Variants in LRTM1 observed in about 807,000 individuals in gnomAD.
The protein encoded by LRTM1 is leucine-rich repeat and transmembrane domain-containing protein 1.
Under a neutral mutation model 32.4 loss-of-function variants are expected in LRTM1, and 38 were observed. The observed-to-expected ratio is 1.17, with a 90% confidence interval of 0.91 to 1.54. LRTM1 has a LOEUF of 1.54. Ranked by LOEUF, LRTM1 falls within the 40% of genes most tolerant of loss-of-function variation. The pLI, the probability that LRTM1 is intolerant of heterozygous loss-of-function variation, is 0.00. For missense variants in LRTM1, 466 were observed against 415.4 expected (o/e 1.12, Z -1.06); for synonymous variants, 186 against 169.9 (o/e 1.09, Z -0.74).
intron 1 of LRTM1, among the ~76,000 whole-genome samples, chr3:54,942,358 C>T (rs187619825): frequency 6.6e-6 from 1 of 152,330 alleles, no homozygotes; most frequent in East Asian, 1.9e-4. Flanking sequence ...CTGCCATCCC[C>T]TCCCACAGTG....
chr3:54,964,933 T>C (rs1339208818), intron 1 of LRTM1, among the ~76,000 whole-genome samples: 1 of 152,100 alleles, frequency 6.6e-6, no homozygotes, highest in Non-Finnish European at 1.5e-5. Flanking sequence ...TTTCCCATTT[T>C]ATAGGCCCTT....
chr3:54,962,922 C>T (rs1016196352), intron 1 of LRTM1, among the ~76,000 whole-genome samples: 6 of 151,918 alleles, frequency 3.9e-5, no homozygotes, highest in Non-Finnish European at 1.5e-5. Flanking sequence ...TAAATGAATA[C>T]GATATGAGAA....
chr3:54,947,318 A>T (rs890445118), intron 1 of LRTM1, among the ~76,000 whole-genome samples: 1 of 152,184 alleles, frequency 6.6e-6, no homozygotes, highest in African/African-American at 2.4e-5. Context: ...GGGTGGAATA[A>T]TCTTCCAAGC....
chr3:54,933,116 CTTT>C (rs1701244125), intron 1 of LRTM1, among the ~76,000 whole-genome samples: 2 of 134,224 alleles, frequency 1.5e-5, no homozygotes, highest in Non-Finnish European at 3.3e-5. Context: ...TTCCTTCCTT[CTTT>C]CTGGACCTCT....
chr3:54,956,843 A>G (rs754113894), intron 1 of LRTM1, among the ~76,000 whole-genome samples: 4 of 151,862 alleles, frequency 2.6e-5, no homozygotes, highest in Non-Finnish European at 5.9e-5. Flanking sequence ...TTTGCATTTT[A>G]TCTGACAGAA....
intron 1 of LRTM1, among the ~76,000 whole-genome samples, chr3:54,934,206 C>G (rs1319174321): frequency 1.3e-5 from 2 of 152,192 alleles, no homozygotes; most frequent in Non-Finnish European, 2.9e-5. Flanking sequence ...ATTAAGGGAA[C>G]CTATAGTTGT....
chr3:54,949,528 C>T (rs142475600), intron 1 of LRTM1, among the ~76,000 whole-genome samples: 1 of 152,316 alleles, frequency 6.6e-6, no homozygotes, highest in East Asian at 1.9e-4. Flanking sequence ...ATGGCCCACT[C>T]CACCATTCCA....
At position 54,918,342 on chromosome 3, in the gene LRTM1, T is replaced by TC; in HGVS notation, c.*116_*117insG. On this transcript the variant is annotated 3_prime_UTR_variant, in exon 3 of 3. Coordinates refer to ENST00000273286, the MANE Select transcript of LRTM1 (RefSeq NM_020678.4). Reference sequence around the variant, plus strand: ...ACATCTTTTTTTTTTCTTTTTTTTTTTTTTTTTTTTTTTGTCTTTTGGCAA... The same window carrying TC: ...ACATCTTTTTTTTTTCTTTTTTTTTTCTTTTTTTTTTTTTGTCTTTTGGCAA... 1.6e-5 allele frequency: 6 copies of TC among 376,498 alleles called. No homozygotes were observed. The highest frequency in any genetic ancestry group is 5.5e-5 in the East Asian group (1 of 18,066). 23.3% of individuals were successfully genotyped at this position (376,498 alleles called of 1,614,324 possible). A position where few individuals can be genotyped will look rare whatever the true frequency, so the allele number is the denominator to read the frequency against.
chr3:54,942,493 C>T (rs1009410844), intron 1 of LRTM1, among the ~76,000 whole-genome samples: 2 of 152,208 alleles, frequency 1.3e-5, no homozygotes, highest in African/African-American at 2.4e-5. Context: ...TTATATGCTC[C>T]TCTTAATGCA....
At chr3:54,962,676 G>A (rs753081639) in intron 1 of LRTM1, among the ~76,000 whole-genome samples, 6 of 152,142 alleles carry the variant, frequency 3.9e-5, no homozygotes, top group East Asian at 3.9e-4. Context: ...ATCAGTTCTC[G>A]CAGCAAAACA....
chr3:54,942,188 G>A (rs1051951159), intron 1 of LRTM1, among the ~76,000 whole-genome samples: 7 of 152,186 alleles, frequency 4.6e-5, no homozygotes, highest in Admixed American at 2.6e-4. Flanking sequence ...TGATACAACC[G>A]TGTATCTCTG....
chr3:54,927,554 G>GGCTT (rs1393300681), intron 1 of LRTM1, among the ~76,000 whole-genome samples: 1 of 152,112 alleles, frequency 6.6e-6, no homozygotes, highest in African/African-American at 2.4e-5. Context: ...ATTAATGAAA[G>GGCTT]GCTTGCCTCT....
intron 2 of LRTM1, among the ~76,000 whole-genome samples, chr3:54,919,937 G>A (rs1038759489): frequency 5.9e-5 from 9 of 152,234 alleles, no homozygotes; most frequent in East Asian, 1.9e-4. Context: ...TCTCAGGAGC[G>A]TTGTGAGGTC....
chr3:54,933,371 C>T (rs1357598919), intron 1 of LRTM1, among the ~76,000 whole-genome samples: 1 of 152,160 alleles, frequency 6.6e-6, no homozygotes, highest in Non-Finnish European at 1.5e-5. Context: ...GGGGCCTGGG[C>T]TCCATGGTGT....
chr3:54,953,661 C>T (rs1321048195), intron 1 of LRTM1, among the ~76,000 whole-genome samples: 2 of 152,230 alleles, frequency 1.3e-5, no homozygotes, highest in African/African-American at 2.4e-5. Context: ...TCCCCAGGAG[C>T]TGGGAAGGAG....
upstream of LRTM1, among the ~76,000 whole-genome samples, chr3:54,929,770 C>G (rs931098100): frequency 2.0e-5 from 3 of 152,154 alleles, no homozygotes; most frequent in African/African-American, 7.2e-5. Context: ...TCCTTCCTAT[C>G]CATCTGTTTC....
At chr3:54,950,572 A>AGAAT (rs1701733300) in intron 1 of LRTM1, among the ~76,000 whole-genome samples, 1 of 152,236 alleles carries the variant, frequency 6.6e-6, no homozygotes, top group Non-Finnish European at 1.5e-5. Flanking sequence ...AGCAATTCAA[A>AGAAT]GAATGCTGCT....
intron 1 of LRTM1, among the ~76,000 whole-genome samples, chr3:54,927,335 C>T (rs1333801314): frequency 1.3e-5 from 2 of 152,164 alleles, no homozygotes; most frequent in Non-Finnish European, 2.9e-5. Flanking sequence ...AGTCCCCTTC[C>T]CCTTTCCAGA....
intron 1 of LRTM1, among the ~76,000 whole-genome samples, chr3:54,963,137 T>G (rs746114466): frequency 2.0e-5 from 3 of 152,194 alleles, no homozygotes; most frequent in Non-Finnish European, 4.4e-5. Context: ...GGAGGGTGGT[T>G]GTTGCATTGA....
Sources: allele counts gnomAD v4.1 joint callset (sites outside exome capture counted in the v4.1 genomes callset), GRCh38; gene constraint gnomAD v4.1.1; transcripts MANE v1.5; gene names NCBI Gene and HGNC (gene_info 2026-07-23, HGNC 2026-07-21).